Variants in VPS13B observed in about 807,000 individuals in gnomAD.
The protein encoded by VPS13B is vacuolar protein sorting 13 homolog B.
A neutral mutation model predicts 426.4 loss-of-function variants in VPS13B; 285 were observed. That is an observed-to-expected ratio of 0.67 (90% confidence interval 0.61 to 0.74). The LOEUF (loss-of-function observed/expected upper bound fraction) is 0.74. Ranked by LOEUF, VPS13B falls within the 30% of genes least tolerant of loss-of-function variation. The pLI, the probability that VPS13B is intolerant of heterozygous loss-of-function variation, is 0.00. For missense variants in VPS13B, 4,537 were observed against 4,782.6 expected, an observed-to-expected ratio of 0.95 and a Z score of 1.51; for synonymous variants, 1,676 against 1,676.4, an observed-to-expected ratio of 1.00 and a Z score of 0.01.
chr8:99,454,103 C>T (rs181648639), intron 23 of VPS13B, among the ~76,000 whole-genome samples: 112 of 152,276 alleles, frequency 7.4e-4, no homozygotes, highest in African/African-American at 1.9e-3. Context: ...TAATTGGCAT[C>T]AAACAGTATA....
intron 34 of VPS13B, among the ~76,000 whole-genome samples, chr8:99,643,861 G>A (rs557020611): frequency 6.6e-6 from 1 of 152,194 alleles, no homozygotes; most frequent in Non-Finnish European, 1.5e-5. Flanking sequence ...GGTACTTCAG[G>A]GGCAATGAAA....
chr8:99,566,595 G>T (rs1043479492), intron 31 of VPS13B, among the ~76,000 whole-genome samples: 2 of 151,848 alleles, frequency 1.3e-5, no homozygotes, highest in Non-Finnish European at 2.9e-5. Context: ...GGCATGTGCC[G>T]CCACGCCCAG....
intron 3 of VPS13B, among the ~76,000 whole-genome samples, chr8:99,067,683 G>C (rs1023093818): frequency 6.6e-6 from 1 of 152,136 alleles, no homozygotes; most frequent in South Asian, 2.1e-4. Flanking sequence ...GGACACAACA[G>C]CAACAAGAAT....
rs777501514 is a variant in VPS13B at position 99,717,154 on chromosome 8, C to A, written c.6455-17C>A. ...TGATAAGGATGAATTATATACTCTT[C>A]TGTATTTTTTTTTCAGGCATAATTC... is the stretch of plus-strand genomic sequence containing the variant. On this transcript the variant is annotated splice_polypyrimidine_tract_variant and intron_variant, in intron 36 of 61. Coordinates refer to ENST00000357162, the MANE Select transcript of VPS13B (RefSeq NM_152564.5). 3.1e-6 allele frequency: 5 copies of A among 1,594,988 alleles called. No individual in the cohort carries two copies. The African/African-American group carries it at 6.7e-5, about 21-fold the overall frequency.
chr8:99,332,638 T>C (rs778068873), intron 19 of VPS13B, among the ~76,000 whole-genome samples: 8 of 151,632 alleles, frequency 5.3e-5, no homozygotes, highest in Non-Finnish European at 7.4e-5. Context: ...AGGCTATTCT[T>C]CAGAACATCC....
At chr8:99,302,990 T>C (rs1175074629) in intron 19 of VPS13B, among the ~76,000 whole-genome samples, 1 of 151,896 alleles carries the variant, frequency 6.6e-6, no homozygotes. Flanking sequence ...TTAAAACTAG[T>C]TTAGAAGGGC....
rs567651881 is a variant in VPS13B, at chr8:99,697,528, G to A, written c.6047-1997G>A. 5 of 730,272 alleles carry A rather than the reference G, an allele frequency of 6.8e-6. No homozygotes were observed. The Admixed American group carries it at 7.7e-5, about 11-fold the overall frequency. 45.2% of individuals were successfully genotyped at this position (730,272 alleles called of 1,614,324 possible). A position where few individuals can be genotyped will look rare whatever the true frequency, so the allele number is the denominator to read the frequency against. ...TCACCAAAGAGAAGGAGGAGCTGGA[G>A]CTGCTGAAGGAGGACGTGCAGGACT... On this transcript the variant is annotated intron_variant, in intron 35 of 61. Transcript: ENST00000357162.
intron 17 of VPS13B, among the ~76,000 whole-genome samples, chr8:99,246,418 T>C (rs1817221676): frequency 6.6e-6 from 1 of 152,182 alleles, no homozygotes; most frequent in South Asian, 2.1e-4. Context: ...CTGTTTTTGA[T>C]TCGAATGCAG....
chr8:99,354,319 C>G (rs1285929828), intron 19 of VPS13B, among the ~76,000 whole-genome samples: 1 of 45,678 alleles, frequency 2.2e-5, no homozygotes, highest in Non-Finnish European at 4.2e-5. Flanking sequence ...ATTTCAGAGT[C>G]TGTGCTTTCT....
intron 2 of VPS13B, among the ~76,000 whole-genome samples, chr8:99,015,249 C>G (rs1046105446): frequency 3.8e-4 from 51 of 134,958 alleles, no homozygotes; most frequent in African/African-American, 1.4e-3. Context: ...CGGAGTCTTG[C>G]TCTGTTGCCC....
chr8:99,738,371 A>G (rs545330410), intron 39 of VPS13B, among the ~76,000 whole-genome samples: 66 of 152,334 alleles, frequency 4.3e-4, no homozygotes, highest in African/African-American at 1.5e-3. Flanking sequence ...CTTTAGCTAA[A>G]TCATGGTATA....
chr8:99,026,654 G>T lies in VPS13B; in HGVS notation c.148-11769G>T, dbSNP rs530213180. On this transcript the variant is annotated intron_variant, in intron 2 of 61. Transcript: ENST00000357162. The stretch of plus-strand genomic sequence containing the variant: ...AGTGAGTGTGTATATATTTATAGTT[G>T]TTATAGATGCTTGCCAAATTGACTT... 4.6e-5 allele frequency among the ~76,000 whole-genome samples: 7 copies of T among 152,146 alleles called. No individual in the cohort carries two copies. The South Asian group carries it at 1.5e-3, about 32-fold the overall frequency.
At chr8:99,766,251 T>C (rs1027758964) in intron 39 of VPS13B, among the ~76,000 whole-genome samples, 5 of 151,950 alleles carry the variant, frequency 3.3e-5, no homozygotes, top group African/African-American at 1.2e-4. Flanking sequence ...GGCTAACTAA[T>C]TTTTGTATTT....
chr8:99,768,457 AC>A (rs2130629517), intron 40 of VPS13B, among the ~76,000 whole-genome samples: 1 of 152,310 alleles, frequency 6.6e-6, no homozygotes, highest in East Asian at 1.9e-4. Flanking sequence ...TATTGTGAAT[AC>A]TTTTTCTTTG....
chr8:99,738,729 C>G (rs1397688581), intron 39 of VPS13B, among the ~76,000 whole-genome samples: 2 of 152,104 alleles, frequency 1.3e-5, no homozygotes, highest in Non-Finnish European at 2.9e-5. Flanking sequence ...TAAAATATAC[C>G]TTCATAAATA....
chr8:99,491,178 G>A (rs1172520587), intron 25 of VPS13B, among the ~76,000 whole-genome samples: 1 of 152,102 alleles, frequency 6.6e-6, no homozygotes, highest in Non-Finnish European at 1.5e-5. Flanking sequence ...AGTCATTCAC[G>A]AGCAGGTTGT....
chr8:99,819,673 T>C (rs989630658), intron 48 of VPS13B, 91 bp downstream of exon 48: 1 of 1,406,208 alleles, frequency 7.1e-7, no homozygotes, highest in Admixed American at 2.0e-5. Context: ...AAGTGGTGTG[T>C]GCATGTATCT....
intron 19 of VPS13B, among the ~76,000 whole-genome samples, chr8:99,314,844 C>T (rs1216990546): frequency 6.6e-6 from 1 of 152,152 alleles, no homozygotes; most frequent in Non-Finnish European, 1.5e-5. Context: ...ATAATGTATC[C>T]TCTTGCTGAA....
chr8:99,503,700 A>G (rs542350719), intron 27 of VPS13B, among the ~76,000 whole-genome samples: 1 of 152,248 alleles, frequency 6.6e-6, no homozygotes, highest in African/African-American at 2.4e-5. Context: ...TCATCATGAG[A>G]TTATAGCAAT....
Sources: gnomAD v4.1 joint callset for allele counts (sites outside exome capture counted in the v4.1 genomes callset) on GRCh38, gnomAD v4.1.1 for gene constraint, MANE v1.5 for transcripts, NCBI Gene and HGNC (gene_info 2026-07-23, HGNC 2026-07-21) for gene names.